The following POMT2 variants were observed in gnomAD, a reference collection of about 807,000 sequenced individuals.
POMT2 encodes the protein protein O-mannosyltransferase 2.
POMT2 carries 75 observed loss-of-function variants against 100.0 expected under a neutral mutation model. The observed-to-expected ratio is 0.75, with a 90% confidence interval of 0.62 to 0.91. The LOEUF (loss-of-function observed/expected upper bound fraction) is 0.91, where lower values mean the gene tolerates loss of function less well. POMT2 is among the 40% of genes least tolerant of loss of function. POMT2 has a pLI of 0.00. For synonymous variants in POMT2, 378 were observed against 374.1 expected (o/e 1.01, Z -0.12); for missense variants, 940 against 955.1 (o/e 0.98, Z 0.21).
At chr14:77,298,506 G>A (rs1890910171) in intron 8 of POMT2, among the ~76,000 whole-genome samples, 183 bp downstream of exon 8, 1 of 152,220 alleles carries the variant, frequency 6.6e-6, no homozygotes, top group Non-Finnish European at 1.5e-5. Flanking sequence ...TTGCTGCTCA[G>A]GATGTCTTCC....
chr14:77,276,093 A>G lies in POMT2; in HGVS notation c.*1283T>C, dbSNP rs1889936463. 1 of 152,428 alleles carries G rather than the reference A, an allele frequency of 6.6e-6. No individual in the cohort carries two copies. The allele number at this position is 152,428 out of a possible 1,614,324, so 9.4% of individuals were successfully genotyped here. On this transcript the variant is annotated 3_prime_UTR_variant, in exon 21 of 21. Transcript: ENST00000261534. ...CAAAGTCCTCTGAGACAAAAGAAAT[A>G]TTTTGTCATGCACCAGGAAGGTGGA...
At chr14:77,293,512 T>C (rs1890715052) in intron 9 of POMT2, among the ~76,000 whole-genome samples, 2 of 152,214 alleles carry the variant, frequency 1.3e-5, no homozygotes, top group Admixed American at 6.5e-5. Context: ...CATGTAGCTT[T>C]TGTTTTCTTT....
At position 77,291,382 on chromosome 14, in the gene POMT2, T is replaced by TGGGTGGG. The variant is rs1890635589; in HGVS notation, c.1117-9_1117-3dup. 3 of 646,140 alleles carry TGGGTGGG rather than the reference T, an allele frequency of 4.6e-6. No homozygotes were observed. Among genetic ancestry groups the TGGGTGGG allele is most frequent in the Non-Finnish European group, 7.3e-6 (3 of 408,786 alleles). 40.0% of individuals were successfully genotyped at this position (646,140 alleles called of 1,614,324 possible). A position where few individuals can be genotyped will look rare whatever the true frequency, so the allele number is the denominator to read the frequency against. ...GTCCTTGTGCAAATAGGTGGTGACC[T>TGGGTGGG]GGGTGGGGGGTGGGGGCGGAGGGAA... On this transcript the variant is annotated splice_region_variant and splice_polypyrimidine_tract_variant and intron_variant, in intron 9 of 20. Transcript: ENST00000261534.
At chr14:77,314,468 T>C (rs913064062) in intron 1 of POMT2, among the ~76,000 whole-genome samples, 1 of 152,206 alleles carries the variant, frequency 6.6e-6, no homozygotes. Context: ...GCTAACTTAT[T>C]AGCTAATAAG....
chr14:77,304,933 G>C, intron 3 of POMT2, 133 bp from the exon 4 acceptor site: 1 of 1,455,154 alleles, frequency 6.9e-7, no homozygotes, highest in Middle Eastern at 2.4e-4. Context: ...AGTCACCTAG[G>C]ATATCTATAA....
intron 6 of POMT2, 152 bp from the exon 7 acceptor site, chr14:77,299,713 C>T: frequency 1.5e-6 from 1 of 651,478 alleles, no homozygotes; most frequent in Non-Finnish European, 2.8e-6. Context: ...AACCCTAAGC[C>T]TTTCTGTAAC....
At chr14:77,283,615 C>G (rs548517135) in intron 15 of POMT2, among the ~76,000 whole-genome samples, 182 bp downstream of exon 15, 56 of 152,320 alleles carry the variant, frequency 3.7e-4, no homozygotes, top group African/African-American at 1.3e-3. Context: ...ACCATCATCA[C>G]CACCATCCTC....
chr14:77,318,091 G>A (rs1472199157), intron 1 of POMT2, among the ~76,000 whole-genome samples: 2 of 152,218 alleles, frequency 1.3e-5, no homozygotes, highest in African/African-American at 4.8e-5. Flanking sequence ...CACTCATTAT[G>A]TAGCAATGGA....
intron 11 of POMT2, among the ~76,000 whole-genome samples, chr14:77,288,108 C>T (rs1027858836): frequency 6.6e-6 from 1 of 152,218 alleles, no homozygotes; most frequent in Non-Finnish European, 1.5e-5. Context: ...TTTAAAACCT[C>T]TTCTCTCAAG....
intron 1 of POMT2, among the ~76,000 whole-genome samples, chr14:77,313,467 T>C (rs921329202): frequency 6.6e-6 from 1 of 152,198 alleles, no homozygotes; most frequent in African/African-American, 2.4e-5. Context: ...ACTTATTCTC[T>C]CTAGTCCTCT....
At chr14:77,289,719 C>T (rs1890572856) in intron 10 of POMT2, among the ~76,000 whole-genome samples, 3 of 152,190 alleles carry the variant, frequency 2.0e-5, no homozygotes, top group Admixed American at 1.3e-4. Flanking sequence ...TGGCAATAAA[C>T]TTGCTAAATG....
intron 16 of POMT2, 22 bp downstream of exon 16, chr14:77,280,370 G>A (rs752903489): frequency 3.7e-6 from 6 of 1,614,082 alleles, no homozygotes; most frequent in South Asian, 3.3e-5. Flanking sequence ...TTCCTGGGAG[G>A]AGCCCCAGCC....
At chr14:77,279,713 TG>T in intron 18 of POMT2, 109 bp downstream of exon 18, 1 of 1,049,564 alleles carries the variant, frequency 9.5e-7, no homozygotes, top group Non-Finnish European at 1.4e-6. Flanking sequence ...AGGGAAGGTG[TG>T]GGGTGGTAAA....
intron 8 of POMT2, among the ~76,000 whole-genome samples, chr14:77,296,785 T>A (rs924959720): frequency 2.0e-5 from 3 of 152,224 alleles, no homozygotes; most frequent in African/African-American, 7.2e-5. Context: ...CTCAAGAGCA[T>A]CCCCTGCTCC....
chr14:77,280,391 C>T lies in POMT2; in HGVS notation c.1725+1G>A, dbSNP rs1890174636. On this transcript the variant is annotated splice_donor_variant, in intron 16 of 20. Transcript: ENST00000261534. LOFTEE classifies it high-confidence loss of function. ...GGAGGAGCCCCAGCCTTGGATCCTA[C>T]CTGATAGTTGATAGGCCAGTGCCAG... The T allele has an allele frequency of 1.2e-6, 2 of 1,613,484 alleles. No homozygotes were observed. Among genetic ancestry groups the T allele is most frequent in the South Asian group, 1.1e-5 (1 of 91,078 alleles).
intron 15 of POMT2, 91 bp downstream of exon 15, chr14:77,283,706 T>C: frequency 5.3e-6 from 6 of 1,121,778 alleles, no homozygotes; most frequent in Non-Finnish European, 8.2e-6. Flanking sequence ...CAAGGGGGAA[T>C]GGATCTGTAG....
At position 77,280,062 on chromosome 14, in the gene POMT2, C is replaced by A. The variant is rs902984752; in HGVS notation, c.1744G>T (p.Val582Phe). The A allele has an allele frequency of 1.9e-6, 3 of 1,613,932 alleles. No homozygotes were observed. Among genetic ancestry groups the A allele is most frequent in the Admixed American group, 1.7e-5 (1 of 60,030 alleles). ...TAGACTCGGAAATCTGTGTCATTGA[C>A]CCCTGAGAAGCGTAGGCCCTGTGGA... Reference protein sequence around the residue: ...INYQGLRFSGVNDTDFRVYLL... With the variant: ...INYQGLRFSGFNDTDFRVYLL... The change falls in exon 17 of 21, where the codon GTC becomes TTC. Residue 582 changes from valine (V) to phenylalanine (F), a missense_variant. Physicochemically the swap from Val to Phe is conservative, Grantham distance 50. Coordinates refer to ENST00000261534, the MANE Select transcript of POMT2 (RefSeq NM_013382.7).
Position 77,304,791 on chromosome 14 carries a change from A to C in POMT2, c.448T>G (p.Phe150Val). ...SYMGMRGFCAFLGSWLVPFAY... is the reference protein window; with the variant it reads ...SYMGMRGFCAVLGSWLVPFAY... ...AAGGGGACCAGCCAGGAGCCAAGGA[A>C]TGCACAGAACTGTGGGAGGAATAGA... The change falls in exon 4 of 21, where the codon TTC becomes GTC. Residue 150 changes from phenylalanine to valine, a missense_variant. Coordinates refer to ENST00000261534, the MANE Select transcript of POMT2 (RefSeq NM_013382.7). 1 of 1,592,164 alleles carries C rather than the reference A, an allele frequency of 6.3e-7. No individual in the cohort carries two copies. Among genetic ancestry groups the C allele is most frequent in the South Asian group, 1.1e-5 (1 of 86,986 alleles).
intron 1 of POMT2, chr14:77,319,469 C>A (rs939889365): frequency 1.6e-4 from 25 of 152,154 alleles, no homozygotes; most frequent in Non-Finnish European, 4.4e-5. Flanking sequence ...TCTGGGTATA[C>A]CAAGAATGCA....
Sources: allele counts gnomAD v4.1 joint callset (sites outside exome capture counted in the v4.1 genomes callset), GRCh38; gene constraint gnomAD v4.1.1; transcripts MANE v1.5; gene names NCBI Gene and HGNC (gene_info 2026-07-23, HGNC 2026-07-21).